The following DUSP5 variants were observed in gnomAD, a reference collection of about 807,000 sequenced individuals.
The protein encoded by DUSP5 is dual specificity protein phosphatase 5.
In DUSP5, 22 loss-of-function variants were observed where a neutral mutation model predicts 33.6. The ratio of observed to expected loss-of-function variants is 0.66; its 90% CI spans 0.47 to 0.94. DUSP5 has a LOEUF of 0.94. Ranked by LOEUF, DUSP5 falls within the 40% of genes least tolerant of loss-of-function variation. The pLI is 0.00. For synonymous variants in DUSP5, 270 were observed against 231.1 expected (o/e 1.17, Z -1.53); for missense variants, 551 against 522.1 (o/e 1.06, Z -0.54).
In DUSP5 at chr10:110,498,221, T is replaced by G. The variant is rs768823094; in HGVS notation, c.100T>G (p.Phe34Val). The G allele has an allele frequency of 1.3e-6, 2 of 1,512,740 alleles. No homozygotes were observed. Among genetic ancestry groups the G allele is most frequent in the Non-Finnish European group, 1.8e-6 (2 of 1,130,590 alleles). 93.7% of individuals were successfully genotyped at this position (1,512,740 alleles called of 1,614,324 possible). The change falls in exon 1 of 4, where the codon TTC (phenylalanine) becomes GTC (valine). Residue 34 changes from phenylalanine (F) to valine (V), a missense_variant. Physicochemically the swap from Phe to Val is conservative, Grantham distance 50. Coordinates refer to ENST00000369583, the MANE Select transcript of DUSP5 (RefSeq NM_004419.4). ...GCTCGACTGCCGGCCCTATCTGGCC[T>G]TCGCTGCCTCGAACGTGCGCGGCTC... ...VVLDCRPYLAFAASNVRGSLN... is the reference protein window; with the variant it reads ...VVLDCRPYLAVAASNVRGSLN...
chr10:110,502,729 G>C lies in DUSP5; in HGVS notation c.388G>C (p.Glu130Gln), dbSNP rs370573010. Residue 130 changes from glutamate (E) to glutamine (Q), a missense_variant, in exon 2 of 4, where the codon GAG becomes CAG. Transcript: ENST00000369583. Reference sequence around the variant, plus strand: ...TTTGTTTGTTTTTGTAGGGGGATATGAGACTTTCTACTCGGAATATCCTGA... The same window carrying C: ...TTTGTTTGTTTTTGTAGGGGGATATCAGACTTTCTACTCGGAATATCCTGA... The part of the protein sequence containing the change: ...PRVYFLKGGY[E>Q]TFYSEYPECC... The C allele has an allele frequency of 6.2e-7, 1 of 1,613,742 alleles. No individual in the cohort carries two copies. The highest frequency in any genetic ancestry group is 8.5e-7 in the Non-Finnish European group (1 of 1,179,778).
Position 110,498,155 on chromosome 10 carries a change from C to T in DUSP5, c.34C>T (p.Arg12Cys). 6.8e-7 allele frequency: 1 copy of T among 1,476,060 alleles called. No individual in the cohort carries two copies. Among genetic ancestry groups the T allele is most frequent in the South Asian group, 1.2e-5 (1 of 82,794 alleles). The allele number at this position is 1,476,060 out of a possible 1,614,324, so 91.4% of individuals were successfully genotyped here. Residue 12 changes from arginine (R) to cysteine (C), a missense_variant, in exon 1 of 4, where the codon CGC becomes TGC. Arg to Cys is a radical substitution (Grantham distance 180). Around this residue, in one of 3 missense-constraint regions of DUSP5, gnomAD observed 381 missense variants for 310.4 expected, o/e 1.23. Transcript: ENST00000369583. ...KVTSLDGRQLRKMLRKEAAAR... is the reference protein window; with the variant it reads ...KVTSLDGRQLCKMLRKEAAAR... ...CACGTCGCTCGACGGGCGCCAGCTGCGCAAGATGCTCCGCAAGGAGGCGGC... is the reference window on the plus strand; with the variant it reads ...CACGTCGCTCGACGGGCGCCAGCTGTGCAAGATGCTCCGCAAGGAGGCGGC...
chr10:110,503,008 C>A, intron 2 of DUSP5, 139 bp downstream of exon 2: 1 of 1,184,132 alleles, frequency 8.4e-7, no homozygotes, highest in Non-Finnish European at 1.2e-6. Context: ...TTGGCAAAAT[C>A]CCCTGGCTTT....
In DUSP5 at chr10:110,510,314, A is replaced by G. The variant is rs751320813; in HGVS notation, c.1043A>G (p.Asp348Gly). ...LIGHLQTLSP[D>G]MQGAYCTFPA... ...GGCCATTTGCAGACACTGAGCCCTG[A>G]CATGCAGGGTGCCTACTGCACATTC... is the stretch of plus-strand genomic sequence containing the variant. The change falls in exon 4 of 4, where the codon GAC (aspartate) becomes GGC (glycine). Residue 348 changes from aspartate (D) to glycine (G), a missense_variant. Transcript: ENST00000369583. The G allele has an allele frequency of 6.2e-7, 1 of 1,614,204 alleles. No homozygotes were observed. The highest frequency in any genetic ancestry group is 8.5e-7 in the Non-Finnish European group (1 of 1,180,042).
intron 2 of DUSP5, among the ~76,000 whole-genome samples, chr10:110,504,847 A>C (rs926923031): frequency 7.9e-5 from 12 of 152,178 alleles, no homozygotes; most frequent in African/African-American, 2.4e-4. Flanking sequence ...TATCCCATTT[A>C]CACCTTACCA....
chr10:110,510,537 G>T lies in DUSP5; in HGVS notation c.*111G>T. 1 of 1,349,110 alleles carries T rather than the reference G, an allele frequency of 7.4e-7. No homozygotes were observed. Among genetic ancestry groups the T allele is most frequent in the Non-Finnish European group, 9.8e-7 (1 of 1,019,624 alleles). 83.6% of individuals were successfully genotyped at this position (1,349,110 alleles called of 1,614,324 possible). On this transcript the variant is annotated 3_prime_UTR_variant, in exon 4 of 4. Coordinates refer to ENST00000369583, the MANE Select transcript of DUSP5 (RefSeq NM_004419.4). ...ACTGAAGACCTCATTCTGTCATGCT[G>T]CCCCAGTGAGATAGTGAGTGGTCAC...
In DUSP5 at chr10:110,505,304, C is replaced by T. The variant is rs191505024; in HGVS notation, c.529-1631C>T. ...AAATGCATCTGAGCCTCAAGTTGCC[C>T]ATCCGTAAAATGGGAATAATGTTAC... On this transcript the variant is annotated intron_variant, in intron 2 of 3. Transcript: ENST00000369583. Among the ~76,000 whole-genome samples, 4 of 152,288 alleles carry T rather than the reference C, an allele frequency of 2.6e-5. No individual in the cohort carries two copies. The East Asian group carries it at 7.7e-4, about 29-fold the overall frequency.
At chr10:110,501,299 C>T (rs940120074) in intron 1 of DUSP5, among the ~76,000 whole-genome samples, 7 of 152,146 alleles carry the variant, frequency 4.6e-5, no homozygotes, top group Non-Finnish European at 7.3e-5. Flanking sequence ...CGTGGCCTCC[C>T]GTTGTCGTGG....
rs755830246 is a variant in DUSP5, at chr10:110,502,898, C to A, written c.528+29C>A. On this transcript the variant is annotated intron_variant, in intron 2 of 3. Coordinates refer to ENST00000369583, the MANE Select transcript of DUSP5 (RefSeq NM_004419.4). Reference sequence around the variant, plus strand: ...CGTGATGTGATGGGGAAGAGGTATCCTGAGTGGTATTCTGGGCTCCTGTCT... The same window carrying A: ...CGTGATGTGATGGGGAAGAGGTATCATGAGTGGTATTCTGGGCTCCTGTCT... 7 of 1,613,264 alleles carry A rather than the reference C, an allele frequency of 4.3e-6. No homozygotes were observed. In the South Asian group the frequency reaches 7.7e-5, roughly 18 times the overall value.
intron 1 of DUSP5, among the ~76,000 whole-genome samples, chr10:110,500,762 C>T (rs963289822): frequency 6.6e-6 from 1 of 152,150 alleles, no homozygotes; most frequent in African/African-American, 2.4e-5. Flanking sequence ...GAGTGAGGCA[C>T]CAGCGAGGAA....
intron 1 of DUSP5, 112 bp from the exon 2 acceptor site, chr10:110,502,609 A>T: frequency 7.6e-7 from 1 of 1,320,588 alleles, no homozygotes; most frequent in South Asian, 1.5e-5. Context: ...GTACTGGCTT[A>T]TTTTTTTTCT....
At chr10:110,498,799 C>G (rs1224492644) in intron 1 of DUSP5, among the ~76,000 whole-genome samples, 1 of 152,094 alleles carries the variant, frequency 6.6e-6, no homozygotes, top group Non-Finnish European at 1.5e-5. Context: ...CGGCTCGTGC[C>G]GGGCACGAGC....
rs866301801 is a variant in DUSP5, at chr10:110,502,669, C to T, written c.380-52C>T. The T allele has an allele frequency of 4.8e-5, 76 of 1,589,102 alleles. 1 individual carries two copies. The Middle Eastern group carries it at 1.5e-3, about 31-fold the overall frequency. On this transcript the variant is annotated intron_variant, in intron 1 of 3. Coordinates refer to ENST00000369583, the MANE Select transcript of DUSP5 (RefSeq NM_004419.4). ...GATTAACTATGGGTATTTTTGACAG[C>T]GTGAGAAATTGATGCTTACCATCTG...
chr10:110,498,111 G>A lies in DUSP5; in HGVS notation c.-11G>A. ...CGCGGCGCGGGGCCGCTGGCCGGCGGCGGCGGCGGCATGAAGGTCACGTCG... is the reference window on the plus strand; with the variant it reads ...CGCGGCGCGGGGCCGCTGGCCGGCGACGGCGGCGGCATGAAGGTCACGTCG... On this transcript the variant is annotated 5_prime_UTR_variant, in exon 1 of 4. Coordinates refer to ENST00000369583, the MANE Select transcript of DUSP5 (RefSeq NM_004419.4). 7.6e-7 allele frequency: 1 copy of A among 1,323,370 alleles called. No homozygotes were observed. Among genetic ancestry groups the A allele is most frequent in the Non-Finnish European group, 9.7e-7 (1 of 1,035,688 alleles). The allele number at this position is 1,323,370 out of a possible 1,614,324, so 82.0% of individuals were successfully genotyped here.
chr10:110,509,014 T>C (rs1218040728), intron 3 of DUSP5, among the ~76,000 whole-genome samples: 3 of 152,228 alleles, frequency 2.0e-5, no homozygotes, highest in African/African-American at 7.2e-5. Context: ...CCCTTCAAAA[T>C]CGTAAATGTT....
rs1170656611 is a variant in DUSP5, at chr10:110,507,132, T to A, written c.726T>A (p.Phe242Leu). The change falls in exon 3 of 4, where the codon TTT becomes TTA. Residue 242 changes from phenylalanine (F) to leucine (L), a missense_variant. Physicochemically the swap from Phe to Leu is conservative, Grantham distance 22. Transcript: ENST00000369583. ...ACACGGCTGACATTAGCTCCCACTT[T>A]CAAGAAGCAATAGACTTCATTGGTA... Reference protein sequence around the residue: ...DSHTADISSHFQEAIDFIDCV... With the variant: ...DSHTADISSHLQEAIDFIDCV... 6.2e-7 allele frequency: 1 copy of A among 1,613,912 alleles called. No individual in the cohort carries two copies. The highest frequency in any genetic ancestry group is 1.1e-5 in the South Asian group (1 of 91,086).
At chr10:110,501,403 G>C (rs1032161501) in intron 1 of DUSP5, among the ~76,000 whole-genome samples, 1 of 152,144 alleles carries the variant, frequency 6.6e-6, no homozygotes, top group Non-Finnish European at 1.5e-5. Flanking sequence ...TGTACTAAGT[G>C]GGGGCGGGGC....
At chr10:110,506,181 G>A (rs918937099) in intron 2 of DUSP5, among the ~76,000 whole-genome samples, 5 of 152,158 alleles carry the variant, frequency 3.3e-5, no homozygotes, top group African/African-American at 1.2e-4. Context: ...TATAATCCCA[G>A]CACTTCAGGA....
At position 110,510,524 on chromosome 10, in the gene DUSP5, A is replaced by G. The variant is rs1860178719; in HGVS notation, c.*98A>G. On this transcript the variant is annotated 3_prime_UTR_variant, in exon 4 of 4. Coordinates refer to ENST00000369583, the MANE Select transcript of DUSP5 (RefSeq NM_004419.4). ...ATACCTGTGCAATACTGAAGACCTC[A>G]TTCTGTCATGCTGCCCCAGTGAGAT... is the stretch of plus-strand genomic sequence containing the variant. 1 of 1,377,866 alleles carries G rather than the reference A, an allele frequency of 7.3e-7. No homozygotes were observed. Among genetic ancestry groups the G allele is most frequent in the Non-Finnish European group, 9.6e-7 (1 of 1,043,288 alleles). 85.4% of individuals were successfully genotyped at this position (1,377,866 alleles called of 1,614,324 possible).
Sources: allele counts gnomAD v4.1 joint callset (sites outside exome capture counted in the v4.1 genomes callset), GRCh38; gene constraint gnomAD v4.1.1; regional missense constraint gnomAD v4.1.1; transcripts MANE v1.5; gene names NCBI Gene and HGNC (gene_info 2026-07-23, HGNC 2026-07-21).